Variants in KCNN2 observed in about 807,000 individuals in gnomAD.
KCNN2 encodes the protein small conductance calcium-activated potassium channel protein 2.
Under a neutral mutation model 55.5 loss-of-function variants are expected in KCNN2, and 24 were observed. That is an observed-to-expected ratio of 0.43 (90% confidence interval 0.31 to 0.61). KCNN2 has a LOEUF of 0.61. Ranked by LOEUF, KCNN2 falls within the 20% of genes least tolerant of loss-of-function variation. The pLI, the probability that KCNN2 is intolerant of heterozygous loss-of-function variation, is 0.08. For missense variants in KCNN2, 754 were observed against 853.6 expected (o/e 0.88, Z 1.45); for synonymous variants, 431 against 336.1 (o/e 1.28, Z -3.09).
rs111699775 is a variant in KCNN2 at position 114,423,400 on chromosome 5, G to A, written c.1637+18544G>A. ...GTACGATATGAGCCTAAATAAAGAG[G>A]CTAATCAAAAGCTAACTTCTCCAGG... On this transcript the variant is annotated intron_variant, in intron 3 of 7. Coordinates refer to ENST00000673685, the MANE Select transcript of KCNN2 (RefSeq NM_021614.4). Among the ~76,000 whole-genome samples, 1,362 of 152,160 alleles carry A rather than the reference G, an allele frequency of 9.0e-3. 22 individuals are homozygous for A. Among genetic ancestry groups the A allele is most frequent in the African/African-American group, 0.03 (1,265 of 41,506 alleles).
At chr5:114,138,575 A>C (rs1224320011) in intron 1 of KCNN2, among the ~76,000 whole-genome samples, 1 of 152,132 alleles carries the variant, frequency 6.6e-6, no homozygotes, top group Non-Finnish European at 1.5e-5. Flanking sequence ...GGAGCTACAA[A>C]TTGGTTGTAT....
At chr5:114,182,206 C>G (rs1224359958) in intron 1 of KCNN2, among the ~76,000 whole-genome samples, 5 of 151,916 alleles carry the variant, frequency 3.3e-5, no homozygotes, top group African/African-American at 1.2e-4. Flanking sequence ...CTACTTTGAT[C>G]TAGTAGAAAC....
chr5:114,271,836 T>C (rs746901454), intron 2 of KCNN2, among the ~76,000 whole-genome samples: 36 of 152,268 alleles, frequency 2.4e-4, no homozygotes, highest in Non-Finnish European at 5.3e-4. Flanking sequence ...CTGTGTGAAA[T>C]TGGACAGGTT....
intron 1 of KCNN2, among the ~76,000 whole-genome samples, chr5:114,065,535 A>G (rs1750426954): frequency 6.6e-6 from 1 of 152,222 alleles, no homozygotes; most frequent in Non-Finnish European, 1.5e-5. Context: ...TATAAGCTAC[A>G]TTCTAAGGCT....
At chr5:114,200,098 T>A (rs139335840) in intron 1 of KCNN2, among the ~76,000 whole-genome samples, 2 of 152,306 alleles carry the variant, frequency 1.3e-5, no homozygotes, top group African/African-American at 4.8e-5. Context: ...TTTTTAGATA[T>A]ATATTCTAAA....
chr5:114,115,243 C>T (rs1751687547), intron 1 of KCNN2, among the ~76,000 whole-genome samples: 2 of 152,096 alleles, frequency 1.3e-5, no homozygotes, highest in Admixed American at 1.3e-4. Flanking sequence ...CCGAAAATGT[C>T]TAACTTTTCT....
chr5:114,385,519 G>GCGCACACACACACACACACACA (rs1458678711), intron 2 of KCNN2, among the ~76,000 whole-genome samples: 2 of 143,354 alleles, frequency 1.4e-5, no homozygotes, highest in Admixed American at 1.4e-4. Flanking sequence ...ACACATGCGC[G>GCGCACACACACACACACACACA]CACACACACA....
intron 1 of KCNN2, among the ~76,000 whole-genome samples, chr5:114,061,806 T>C (rs990144282): frequency 6.6e-6 from 1 of 152,226 alleles, no homozygotes; most frequent in African/African-American, 2.4e-5. Flanking sequence ...GGATTGGTGA[T>C]AGACATTAGG....
chr5:114,370,283 C>G (rs1757722802), intron 2 of KCNN2, among the ~76,000 whole-genome samples: 1 of 151,998 alleles, frequency 6.6e-6, no homozygotes, highest in African/African-American at 2.4e-5. Context: ...ATTCTTAGCT[C>G]TTATTTTTAG....
chr5:114,147,021 A>T (rs891898557), intron 1 of KCNN2, among the ~76,000 whole-genome samples: 3 of 152,200 alleles, frequency 2.0e-5, no homozygotes, highest in Non-Finnish European at 1.5e-5. Context: ...TGAGTCAGAG[A>T]CAATATTAAG....
intron 1 of KCNN2, among the ~76,000 whole-genome samples, chr5:114,193,478 A>T (rs17136361): frequency 0.03 from 4,629 of 152,078 alleles, 239 homozygotes; most frequent in African/African-American, 0.1. Context: ...GACAGATAAT[A>T]GTGTTCCAAC....
intron 5 of KCNN2, among the ~76,000 whole-genome samples, chr5:114,483,429 C>T (rs1762318554): frequency 6.6e-6 from 1 of 151,846 alleles, no homozygotes; most frequent in African/African-American, 2.4e-5. Flanking sequence ...CATGCTCAAC[C>T]ACGCCCATCT....
chr5:114,347,849 A>G (rs1288149516), intron 2 of KCNN2, among the ~76,000 whole-genome samples: 1 of 152,210 alleles, frequency 6.6e-6, no homozygotes, highest in Non-Finnish European at 1.5e-5. Context: ...AAGTGACCCT[A>G]GGTAACCATC....
In KCNN2 at chr5:114,241,331, T is replaced by A. The variant is rs1754614547; in HGVS notation, c.-185+19766T>A. ...AGATAACGAATATAGTAGGATAAAT[T>A]TTGGAGAAGAGCCAAAACATTTTGA... On this transcript the variant is annotated intron_variant, in intron 2 of 10. Coordinates refer to the KCNN2 transcript ENST00000512097. Among the ~76,000 whole-genome samples, 4 of 152,016 alleles carry A rather than the reference T, an allele frequency of 2.6e-5. No homozygotes were observed. In the South Asian group the frequency reaches 8.3e-4, roughly 32 times the overall value.
intron 3 of KCNN2, among the ~76,000 whole-genome samples, chr5:114,451,439 GCA>G (rs1431419480): frequency 6.6e-6 from 1 of 151,686 alleles, no homozygotes; most frequent in South Asian, 2.1e-4. Flanking sequence ...CCAAACATAC[GCA>G]CACACACACA....
At chr5:114,065,562 T>C (rs1750427333) in intron 1 of KCNN2, among the ~76,000 whole-genome samples, 1 of 152,246 alleles carries the variant, frequency 6.6e-6, no homozygotes, top group East Asian at 1.9e-4. Flanking sequence ...ATCTCAGCCA[T>C]ATGCTTAGTA....
At chr5:114,403,095 C>T (rs778818474) in intron 2 of KCNN2, among the ~76,000 whole-genome samples, 11 of 152,114 alleles carry the variant, frequency 7.2e-5, no homozygotes, top group Non-Finnish European at 1.6e-4. Context: ...CATTTCTTTA[C>T]CAGATAAATA....
At position 114,395,315 on chromosome 5, in the gene KCNN2, G is replaced by A. The variant is rs148348990; in HGVS notation, c.1219-9123G>A. 3.4e-4 allele frequency among the ~76,000 whole-genome samples: 52 copies of A among 152,276 alleles called. 1 individual carries two copies. The South Asian group carries it at 6.4e-3, about 19-fold the overall frequency. On this transcript the variant is annotated intron_variant, in intron 2 of 7. Transcript: ENST00000673685. ...TGGTTATCTGAGCAAATACAAAACA[G>A]TCGCACTGGAAAGTTCATGCTCATG...
intron 1 of KCNN2, among the ~76,000 whole-genome samples, chr5:114,118,906 G>A (rs1343669411): frequency 6.6e-6 from 1 of 152,116 alleles, no homozygotes; most frequent in Non-Finnish European, 1.5e-5. Context: ...AGGCAGGATA[G>A]GGGAGGGGAT....
Sources: gnomAD v4.1 joint callset for allele counts (sites outside exome capture counted in the v4.1 genomes callset) on GRCh38, gnomAD v4.1.1 for gene constraint, MANE v1.5 for transcripts, NCBI Gene and HGNC (gene_info 2026-07-23, HGNC 2026-07-21) for gene names.